Variants in CIT observed in about 807,000 individuals in gnomAD.
CIT encodes citron Rho-interacting kinase.
Under a neutral mutation model 272.7 loss-of-function variants are expected in CIT, and 79 were observed. That is an observed-to-expected ratio of 0.29 (90% CI 0.24 to 0.35). CIT has a LOEUF of 0.35. CIT is among the 10% of genes least tolerant of loss of function. The pLI is 1.00. For missense variants in CIT, 1,909 were observed against 2,618.3 expected, an observed-to-expected ratio of 0.73 and a Z score of 5.91; for synonymous variants, 948 against 995.6, an observed-to-expected ratio of 0.95 and a Z score of 0.90.
chr12:119,776,501 A>G (rs1593699656), intron 14 of CIT, 93 bp from the exon 15 acceptor site: 3 of 1,195,166 alleles, frequency 2.5e-6, no homozygotes, highest in Non-Finnish European at 3.6e-6. Context: ...CAAGATAATA[A>G]TAGTAAATAA....
Position 119,710,429 on chromosome 12 carries a change from C to T in CIT, c.4936-43G>A, listed in dbSNP as rs12229629. ...CGAAGGCAGAACATAAGCACGGTCA[C>T]GTCACCAGAACAATCTCTAGTAAGA... On this transcript the variant is annotated intron_variant, in intron 38 of 47. Transcript: ENST00000392521. This position sits in a 1 kb window ranked among gnomAD's most constrained non-coding sequence, Gnocchi z 5.6. 2.9e-5 allele frequency: 47 copies of T among 1,613,336 alleles called. No homozygotes were observed. In the African/African-American group the frequency reaches 4.5e-4, roughly 16 times the overall value.
rs973130573 is a variant in CIT, at chr12:119,731,846, T to A, written c.3351-1216A>T. ...TATATATATATATATATATACTTTT[T>A]TTTTTTTGAGATGGAGTCCCACTCT... On this transcript the variant is annotated intron_variant, in intron 26 of 47. Coordinates refer to ENST00000392521, the MANE Select transcript of CIT (RefSeq NM_001206999.2). Among the ~76,000 whole-genome samples the A allele has an allele frequency of 3.3e-3, 463 of 141,096 alleles. 8 individuals are homozygous for A. Among genetic ancestry groups the A allele is most frequent in the African/African-American group, 0.013 (438 of 32,950 alleles). 92.6% of individuals were successfully genotyped at this position (141,096 alleles called of 152,430 possible).
intron 32 of CIT, among the ~76,000 whole-genome samples, chr12:119,717,651 C>T (rs1231837940): frequency 6.6e-6 from 1 of 151,018 alleles, no homozygotes; most frequent in East Asian, 2.0e-4. Flanking sequence ...AAACTCCTGA[C>T]CTCAGGTGAT....
At chr12:119,752,419 T>C (rs564523205) in intron 22 of CIT, among the ~76,000 whole-genome samples, 172 bp from the exon 23 acceptor site, 2 of 152,300 alleles carry the variant, frequency 1.3e-5, no homozygotes, top group East Asian at 3.9e-4. Flanking sequence ...CTGAGTTCCA[T>C]GCATCTCTGA....
intron 7 of CIT, among the ~76,000 whole-genome samples, chr12:119,829,885 A>T (rs1968485723): frequency 6.6e-6 from 1 of 152,060 alleles, no homozygotes; most frequent in South Asian, 2.1e-4. Context: ...AAATACGAAG[A>T]TATTACGTGG....
In CIT at chr12:119,735,179, T is replaced by C; in HGVS notation, c.3137A>G (p.Gln1046Arg). 1 of 1,614,082 alleles carries C rather than the reference T, an allele frequency of 6.2e-7. No homozygotes were observed. Among genetic ancestry groups the C allele is most frequent in the Non-Finnish European group, 8.5e-7 (1 of 1,180,030 alleles). The change falls in exon 25 of 48, where the codon CAG (glutamine) becomes CGG (arginine). Residue 1046 changes from glutamine (Q) to arginine (R), a missense_variant. By Grantham distance (43) the Gln-to-Arg change is conservative. Around this residue, in one of 8 missense-constraint regions of CIT, gnomAD observed 530 missense variants for 822.4 expected, o/e 0.64. Coordinates refer to ENST00000392521, the MANE Select transcript of CIT (RefSeq NM_001206999.2). ...LRREITEREMQLTSQKQTMEA... is the reference protein window; with the variant it reads ...LRREITEREMRLTSQKQTMEA... Reference sequence around the variant, plus strand: ...CCTTACTTGCTTCTGGCTGGTAAGCTGCATCTCTCGTTCCGTGATCTCCCG... The same window carrying C: ...CCTTACTTGCTTCTGGCTGGTAAGCCGCATCTCTCGTTCCGTGATCTCCCG...
chr12:119,707,817 C>A (rs551181558), intron 40 of CIT, among the ~76,000 whole-genome samples: 97 of 152,286 alleles, frequency 6.4e-4, no homozygotes, highest in African/African-American at 2.3e-3. Context: ...TGCAATCTTA[C>A]ACAAAAAATA....
chr12:119,734,975 A>G (rs940221720), intron 25 of CIT, among the ~76,000 whole-genome samples, 185 bp downstream of exon 25: 2 of 152,178 alleles, frequency 1.3e-5, no homozygotes, highest in African/African-American at 4.8e-5. Context: ...AAAATTAATA[A>G]GAACTACACA....
chr12:119,714,134 G>C (rs1279501044), intron 33 of CIT, 63 bp downstream of exon 33: 12 of 1,591,036 alleles, frequency 7.5e-6, no homozygotes, highest in South Asian at 6.8e-5. Context: ...ACCTCCACCT[G>C]ATAGACTTTT....
In CIT at chr12:119,687,967, T is replaced by C; in HGVS notation, c.*265A>G. 1 of 527,630 alleles carries C rather than the reference T, an allele frequency of 1.9e-6. No homozygotes were observed. The highest frequency in any genetic ancestry group is 3.4e-6 in the Non-Finnish European group (1 of 296,762). The allele number at this position is 527,630 out of a possible 1,614,324, so 32.7% of individuals were successfully genotyped here. ...GGCTAGAGCTAGGTACAAAAGTTTG[T>C]GAATGCTTTGAAAGAGTAACAAAGT... On this transcript the variant is annotated 3_prime_UTR_variant, in exon 48 of 48. Transcript: ENST00000392521.
intron 23 of CIT, 51 bp downstream of exon 23, chr12:119,751,999 C>A: frequency 6.6e-7 from 1 of 1,516,296 alleles, no homozygotes; most frequent in South Asian, 1.2e-5. Flanking sequence ...GTTCCACACT[C>A]ATCCTAGCTG....
At chr12:119,793,988 G>A (rs1180152764) in intron 10 of CIT, among the ~76,000 whole-genome samples, 2 of 152,184 alleles carry the variant, frequency 1.3e-5, no homozygotes, top group Admixed American at 6.5e-5. Flanking sequence ...GCTGCTCAGT[G>A]TGGGCTTAAA....
At chr12:119,708,063 CTGTT>C (rs1956969615) in intron 40 of CIT, 112 bp downstream of exon 40, 9 of 1,171,792 alleles carry the variant, frequency 7.7e-6, no homozygotes, top group Admixed American at 2.9e-5. Flanking sequence ...GAGCCCCTCT[CTGTT>C]TGTTATTTAA....
intron 5 of CIT, among the ~76,000 whole-genome samples, chr12:119,840,978 C>T (rs934082718): frequency 3.9e-5 from 6 of 152,034 alleles, no homozygotes; most frequent in African/African-American, 7.3e-5. Flanking sequence ...AGGAAACAAA[C>T]GCTGCCCATA....
chr12:119,713,271 C>G lies in CIT; in HGVS notation c.4511G>C (p.Gly1504Ala), dbSNP rs760480694. 1.9e-6 allele frequency: 3 copies of G among 1,614,032 alleles called. No individual in the cohort carries two copies. The highest frequency in any genetic ancestry group is 2.5e-6 in the Non-Finnish European group (3 of 1,180,012). ...CAGGACAATGTACTTCCTGTCCCAG[C>G]CTTGCTGTCCTCGTTTGTTATTCCT... ...VPRNNKRGQQ[G>A]WDRKYIVLEG... The change falls in exon 35 of 48, where the codon GGC becomes GCC. Residue 1504 changes from glycine to alanine, a missense_variant. Transcript: ENST00000392521. This position sits in a 1 kb window ranked among gnomAD's most constrained non-coding sequence, Gnocchi z 5.2.
At chr12:119,845,246 C>T (rs1192996836) in intron 5 of CIT, among the ~76,000 whole-genome samples, 1 of 152,126 alleles carries the variant, frequency 6.6e-6, no homozygotes, top group Non-Finnish European at 1.5e-5. Flanking sequence ...GGGAAGCCTC[C>T]TACATCTGGG....
At chr12:119,740,865 C>G (rs912722919) in intron 24 of CIT, among the ~76,000 whole-genome samples, 1 of 152,174 alleles carries the variant, frequency 6.6e-6, no homozygotes, top group Non-Finnish European at 1.5e-5. Flanking sequence ...AGGAAATCCA[C>G]AGACATTTTA....
At chr12:119,789,449 G>A (rs935517582) in intron 10 of CIT, among the ~76,000 whole-genome samples, 1 of 152,124 alleles carries the variant, frequency 6.6e-6, no homozygotes. Context: ...AAAGCCTATT[G>A]TCCCCAGTGT....
chr12:119,735,834 AC>A (rs1381314909), intron 24 of CIT, among the ~76,000 whole-genome samples: 3 of 152,324 alleles, frequency 2.0e-5, no homozygotes, highest in Non-Finnish European at 4.4e-5. Context: ...ACAGGGAAAG[AC>A]GCCAGGAGTT....
Sources: gnomAD v4.1 joint callset for allele counts (sites outside exome capture counted in the v4.1 genomes callset) on GRCh38, gnomAD v4.1.1 for gene constraint, gnomAD v4.1.1 regional missense constraint, Gnocchi (gnomAD v3.1) non-coding constraint, MANE v1.5 for transcripts, NCBI Gene and HGNC (gene_info 2026-07-23, HGNC 2026-07-21) for gene names.